Variants in NDST4 observed in about 807,000 individuals in gnomAD.
NDST4 encodes the protein N-deacetylase and N-sulfotransferase 4, also known as N-heparan sulfate sulfotransferase 4.
Under a neutral mutation model 100.8 loss-of-function variants are expected in NDST4, and 63 were observed. That is an observed-to-expected ratio of 0.62 (90% CI 0.51 to 0.77). NDST4 has a LOEUF of 0.77. Among genes scored for constraint, NDST4 ranks in the 30% least tolerant of loss-of-function variants. The pLI is 0.00. For synonymous variants in NDST4, 377 were observed against 361.8 expected, an observed-to-expected ratio of 1.04 and a Z score of -0.48; for missense variants, 943 against 1,018.4, an observed-to-expected ratio of 0.93 and a Z score of 1.01.
chr4:114,995,163 G>A (rs1727132518), intron 2 of NDST4, among the ~76,000 whole-genome samples: 2 of 152,108 alleles, frequency 1.3e-5, no homozygotes, highest in East Asian at 3.9e-4. Context: ...AGAAAGCTAT[G>A]CAGTTATAAA....
chr4:115,012,349 C>T (rs575922507), intron 2 of NDST4, among the ~76,000 whole-genome samples: 1 of 151,976 alleles, frequency 6.6e-6, no homozygotes, highest in South Asian at 2.1e-4. Context: ...GGAAATTGAA[C>T]CAGCATCTTA....
At chr4:114,861,687 A>G (rs527567141) in intron 7 of NDST4, among the ~76,000 whole-genome samples, 1 of 152,198 alleles carries the variant, frequency 6.6e-6, no homozygotes, top group South Asian at 2.1e-4. Flanking sequence ...TCTTTAGCCA[A>G]CTTGAGGATA....
At chr4:115,071,299 C>T (rs557431920) in intron 2 of NDST4, among the ~76,000 whole-genome samples, 44 of 151,508 alleles carry the variant, frequency 2.9e-4, no homozygotes, top group South Asian at 1.0e-3. Context: ...CACACACACA[C>T]ACACACACAC....
intron 2 of NDST4, among the ~76,000 whole-genome samples, chr4:115,015,879 C>T (rs1258171046): frequency 6.6e-6 from 1 of 151,968 alleles, no homozygotes; most frequent in Non-Finnish European, 1.5e-5. Context: ...ACATTGATTT[C>T]CTGATATGGT....
chr4:115,041,374 C>A (rs138553323), intron 2 of NDST4, among the ~76,000 whole-genome samples: 50 of 151,978 alleles, frequency 3.3e-4, no homozygotes, highest in African/African-American at 1.1e-3. Flanking sequence ...AAAAATACAT[C>A]TTTTTAAAAG....
intron 1 of NDST4, among the ~76,000 whole-genome samples, chr4:115,079,591 T>C (rs1007130164): frequency 6.6e-6 from 1 of 152,174 alleles, no homozygotes; most frequent in Non-Finnish European, 1.5e-5. Flanking sequence ...TAGTTCATGT[T>C]ATCAATGTGT....
In NDST4 at chr4:115,022,307, GTACATATGTGTTCCACA is replaced by G. The variant is rs1342541727; in HGVS notation, c.979-45050_979-45034del. Among the ~76,000 whole-genome samples the G allele has an allele frequency of 4.2e-3, 616 of 146,614 alleles. 12 individuals are homozygous for G. Among genetic ancestry groups the G allele is most frequent in the African/African-American group, 7.3e-3 (272 of 37,140 alleles). On this transcript the variant is annotated intron_variant, in intron 2 of 13. Transcript: ENST00000264363. ...CGTTCCACATATATATATGTTCCAC[GTACATATGTGTTCCACA>G]TACATATGTGTTCCACGTACATATG...
intron 6 of NDST4, among the ~76,000 whole-genome samples, chr4:114,922,325 T>G (rs1192002642): frequency 6.6e-6 from 1 of 152,046 alleles, no homozygotes; most frequent in African/African-American, 2.4e-5. Flanking sequence ...CAAGAACACC[T>G]CAAGTGAGCA....
intron 6 of NDST4, among the ~76,000 whole-genome samples, chr4:114,917,556 T>C (rs978757189): frequency 6.6e-6 from 1 of 152,096 alleles, no homozygotes; most frequent in African/African-American, 2.4e-5. Flanking sequence ...GGCTGGAGGA[T>C]TGCTTGAACC....
chr4:115,076,106 T>G lies in NDST4; in HGVS notation c.931A>C (p.Ile311Leu). Residue 311 changes from isoleucine (I) to leucine (L), a missense_variant, in exon 2 of 14, where the codon ATA (isoleucine) becomes CTA (leucine). By Grantham distance (5) the Ile-to-Leu change is conservative. Transcript: ENST00000264363. ...CTTGTTCCCTCTTTCCCAACAAATA[T>G]ATCATCAATGTCCACAAGGATGTAC... ...DRYILVDIDD[I>L]FVGKEGTRMN... 1 of 1,613,556 alleles carries G rather than the reference T, an allele frequency of 6.2e-7. No individual in the cohort carries two copies. The highest frequency in any genetic ancestry group is 1.3e-5 in the African/African-American group (1 of 75,030).
chr4:114,970,715 G>T, intron 3 of NDST4, 131 bp from the exon 4 acceptor site: 1 of 776,792 alleles, frequency 1.3e-6, no homozygotes, highest in Non-Finnish European at 2.0e-6. Flanking sequence ...TTTTAAATCA[G>T]AATAAAAGAC....
At chr4:114,944,825 T>C (rs1449215667) in intron 4 of NDST4, among the ~76,000 whole-genome samples, 6 of 151,998 alleles carry the variant, frequency 3.9e-5, no homozygotes, top group Non-Finnish European at 8.8e-5. Context: ...GAAGAAACGA[T>C]AGGTGAGCAC....
intron 4 of NDST4, among the ~76,000 whole-genome samples, chr4:114,963,384 T>G (rs1017267773): frequency 2.0e-5 from 3 of 152,100 alleles, no homozygotes; most frequent in Admixed American, 6.5e-5. Context: ...TATAAGCAAA[T>G]CTGTGAAGAC....
At chr4:115,103,431 AT>A (rs1253102513) in intron 1 of NDST4, among the ~76,000 whole-genome samples, 1 of 152,170 alleles carries the variant, frequency 6.6e-6, no homozygotes, top group Non-Finnish European at 1.5e-5. Context: ...GGCACCTTAA[AT>A]ATCATGAAGT....
intron 6 of NDST4, among the ~76,000 whole-genome samples, chr4:114,928,943 G>A (rs964574131): frequency 6.6e-6 from 1 of 151,924 alleles, no homozygotes; most frequent in Non-Finnish European, 1.5e-5. Context: ...TTGCATATCA[G>A]ATCTTGGGTC....
chr4:114,925,663 T>A (rs1327542885), intron 6 of NDST4, among the ~76,000 whole-genome samples: 2 of 151,974 alleles, frequency 1.3e-5, no homozygotes, highest in Non-Finnish European at 2.9e-5. Flanking sequence ...CAGGCACATA[T>A]TTTTTGTTCA....
At chr4:114,923,282 T>C (rs1276682248) in intron 6 of NDST4, among the ~76,000 whole-genome samples, 1 of 152,186 alleles carries the variant, frequency 6.6e-6, no homozygotes, top group Non-Finnish European at 1.5e-5. Context: ...ATTTTCACTG[T>C]ATCTAACTCT....
At chr4:115,004,457 T>TA (rs1198787411) in intron 2 of NDST4, among the ~76,000 whole-genome samples, 1 of 152,188 alleles carries the variant, frequency 6.6e-6, no homozygotes, top group Non-Finnish European at 1.5e-5. Context: ...CTCATGGTAA[T>TA]ACTTTATTTC....
Position 115,113,516 on chromosome 4 carries a change from T to C in NDST4, c.-319A>G, listed in dbSNP as rs780484034. 1 of 151,992 alleles carries C rather than the reference T, an allele frequency of 6.6e-6. No individual in the cohort carries two copies. The highest frequency in any genetic ancestry group is 2.4e-5 in the African/African-American group (1 of 41,422). 9.4% of individuals were successfully genotyped at this position (151,992 alleles called of 1,614,324 possible). On this transcript the variant is annotated 5_prime_UTR_variant, in exon 1 of 14. The change creates a new upstream start codon in the 5' untranslated region. Transcript: ENST00000264363. ...CCGTGTTAGAACATGAGATATCCAG[T>C]ATTCAGGTTCACTTGGCTCCAGGTT...
Sources: gnomAD v4.1 joint callset for allele counts (sites outside exome capture counted in the v4.1 genomes callset) on GRCh38, gnomAD v4.1.1 for gene constraint, MANE v1.5 for transcripts, NCBI Gene and HGNC (gene_info 2026-07-23, HGNC 2026-07-21) for gene names.